ARAP2: variants seen among roughly 807,000 people sequenced by gnomAD.
The protein encoded by ARAP2 is arf-GAP with Rho-GAP domain, ANK repeat and PH domain-containing protein 2.
Under a neutral mutation model 194.5 loss-of-function variants are expected in ARAP2, and 148 were observed. That is an observed-to-expected ratio of 0.76 (90% CI 0.67 to 0.87). The LOEUF (loss-of-function observed/expected upper bound fraction) is 0.87, where lower values mean the gene tolerates loss of function less well. Among genes scored for constraint, ARAP2 ranks in the 40% least tolerant of loss-of-function variants. ARAP2 has a pLI of 0.00. For missense variants in ARAP2, 2,128 were observed against 1,989.7 expected, an observed-to-expected ratio of 1.07 and a Z score of -1.32; for synonymous variants, 695 against 683.5, an observed-to-expected ratio of 1.02 and a Z score of -0.26.
intron 27 of ARAP2, 87 bp from the exon 28 acceptor site, chr4:36,092,107 G>A: frequency 7.3e-7 from 1 of 1,361,990 alleles, no homozygotes; most frequent in South Asian, 1.9e-5. Flanking sequence ...TTGTCATATA[G>A]AAAAAATAAG....
chr4:36,113,318 T>C (rs1720502572), intron 26 of ARAP2, among the ~76,000 whole-genome samples: 1 of 151,890 alleles, frequency 6.6e-6, no homozygotes, highest in African/African-American at 2.4e-5. Flanking sequence ...AAAAATAACA[T>C]TGAAACATTT....
rs200870861 is a variant in ARAP2, at chr4:36,121,223, T to C, written c.3850A>G (p.Asn1284Asp). 2 of 1,605,196 alleles carry C rather than the reference T, an allele frequency of 1.2e-6. No individual in the cohort carries two copies. The highest frequency in any genetic ancestry group is 2.2e-5 in the South Asian group (2 of 89,620). ...TTATTAATTAGGTCCTCAATTACAT[T>C]CACTTCTTCACTAGTTTGTCCCTTC... ...QTKGQTSEEV[N>D]VIEDLINNYV... Residue 1284 changes from asparagine to aspartate, a missense_variant, in exon 23 of 33, where the codon AAT becomes GAT. Physicochemically the swap from Asn to Asp is conservative, Grantham distance 23. Transcript: ENST00000303965.
rs182096270 is a variant in ARAP2 at position 36,121,248 on chromosome 4, C to T, written c.3825G>A (p.Thr1275=). 7.5e-6 allele frequency: 12 copies of T among 1,606,492 alleles called. No individual in the cohort carries two copies. Among genetic ancestry groups the T allele is most frequent in the East Asian group, 4.5e-5 (2 of 44,434 alleles). ...TCACTTCTTCACTAGTTTGTCCCTT[C>T]GTTTGAAACAAACAGGATGAAAAGA... ...ALVFSSCLFQ[T]KGQTSEEVNV... is the part of the protein sequence containing the mutation. The change falls in exon 23 of 33, where the codon ACG becomes ACA. Residue 1275 remains threonine, a synonymous_variant. Transcript: ENST00000303965.
intron 7 of ARAP2, among the ~76,000 whole-genome samples, chr4:36,191,778 G>T (rs941660152): frequency 6.6e-6 from 1 of 151,960 alleles, no homozygotes; most frequent in Non-Finnish European, 1.5e-5. Flanking sequence ...ACAATGAAAC[G>T]ATCACAGGGC....
intron 5 of ARAP2, among the ~76,000 whole-genome samples, chr4:36,041,606 C>A (rs981936660): frequency 9.9e-5 from 15 of 152,084 alleles, no homozygotes; most frequent in African/African-American, 3.4e-4. Context: ...TCAACCATTG[C>A]AGAAAGTAGT....
intron 2 of ARAP2, 138 bp from the exon 3 acceptor site, chr4:36,214,618 A>G (rs1747508800): frequency 8.4e-6 from 4 of 478,750 alleles, no homozygotes; most frequent in African/African-American, 6.1e-5. Context: ...AGAGCTATAC[A>G]TTCTTTTGGG....
At chr4:36,131,246 T>C (rs1360127913) in intron 20 of ARAP2, among the ~76,000 whole-genome samples, 3 of 151,468 alleles carry the variant, frequency 2.0e-5, no homozygotes, top group South Asian at 4.1e-4. Flanking sequence ...GATATAAACA[T>C]ACTATCATAG....
In ARAP2 at chr4:36,121,338, A is replaced by G. The variant is rs752308492; in HGVS notation, c.3747-12T>C. On this transcript the variant is annotated splice_polypyrimidine_tract_variant and intron_variant, in intron 22 of 32. Transcript: ENST00000303965. ...AGCATTTCTGAACCCTGTCAGAGAA[A>G]AGCATAGTTTATTATGATACACTTT... 1.3e-6 allele frequency: 2 copies of G among 1,575,572 alleles called. No homozygotes were observed. The highest frequency in any genetic ancestry group is 1.4e-5 in the African/African-American group (1 of 73,268).
intron 6 of ARAP2, among the ~76,000 whole-genome samples, chr4:36,018,046 A>G (rs1319557179): frequency 6.6e-6 from 1 of 152,182 alleles, no homozygotes; most frequent in Non-Finnish European, 1.5e-5. Flanking sequence ...TGACATATGA[A>G]ATGTATACAA....
intron 27 of ARAP2, among the ~76,000 whole-genome samples, chr4:36,093,186 A>G (rs1349056052): frequency 6.6e-6 from 1 of 151,988 alleles, no homozygotes; most frequent in African/African-American, 2.4e-5. Flanking sequence ...GGGGAACAAC[A>G]CACACTGGGG....
chr4:36,183,795 C>G (rs1207380416), intron 8 of ARAP2, among the ~76,000 whole-genome samples: 1 of 152,122 alleles, frequency 6.6e-6, no homozygotes, highest in African/African-American at 2.4e-5. Flanking sequence ...GGGATAGGAG[C>G]CTTAGAAAAC....
chr4:36,015,736 A>T (rs1473716872), intron 7 of ARAP2: 1 of 152,224 alleles, frequency 6.6e-6, no homozygotes, highest in Non-Finnish European at 1.5e-5. Flanking sequence ...CAAATTCAAT[A>T]GATGGAAAAT....
chr4:36,020,435 T>C (rs994796708), intron 5 of ARAP2, among the ~76,000 whole-genome samples: 2 of 126,182 alleles, frequency 1.6e-5, no homozygotes, highest in African/African-American at 6.2e-5. Context: ...AAAAAGTAAA[T>C]CAAGCTGATA....
intron 30 of ARAP2, 29 bp from the exon 31 acceptor site, chr4:36,080,308 A>T: frequency 6.4e-7 from 1 of 1,572,634 alleles, no homozygotes; most frequent in Non-Finnish European, 8.7e-7. Flanking sequence ...AAACTATGTC[A>T]TTCAAAAAGA....
At chr4:36,135,295 T>G (rs1199469360) in intron 19 of ARAP2, among the ~76,000 whole-genome samples, 1 of 151,748 alleles carries the variant, frequency 6.6e-6, no homozygotes, top group Non-Finnish European at 1.5e-5. Flanking sequence ...ATAATCACTG[T>G]ACCTAATATA....
At chr4:36,019,821 T>C (rs999856100) in intron 5 of ARAP2, among the ~76,000 whole-genome samples, 2 of 152,170 alleles carry the variant, frequency 1.3e-5, no homozygotes, top group Non-Finnish European at 2.9e-5. Flanking sequence ...GAACAGGTTA[T>C]AGTTTCTCCT....
At chr4:36,073,533 T>TA (rs1727528867) in intron 32 of ARAP2, among the ~76,000 whole-genome samples, 156 bp downstream of exon 32, 1 of 152,184 alleles carries the variant, frequency 6.6e-6, no homozygotes, top group Admixed American at 6.6e-5. Flanking sequence ...AGGTTATTCA[T>TA]ACTGTTTTCT....
intron 15 of ARAP2, among the ~76,000 whole-genome samples, chr4:36,152,417 C>T (rs190155855): frequency 6.6e-5 from 10 of 152,152 alleles, no homozygotes; most frequent in African/African-American, 2.4e-4. Context: ...AAATACGAAT[C>T]AAAGGGAGTT....
At chr4:36,130,563 G>A (rs1283849123) in intron 20 of ARAP2, among the ~76,000 whole-genome samples, 12 of 151,760 alleles carry the variant, frequency 7.9e-5, no homozygotes, top group Non-Finnish European at 1.5e-4. Context: ...CTGTTTCCAT[G>A]CCTTCTCTGG....
Sources: allele counts gnomAD v4.1 joint callset (sites outside exome capture counted in the v4.1 genomes callset), GRCh38; gene constraint gnomAD v4.1.1; transcripts MANE v1.5; gene names NCBI Gene and HGNC (gene_info 2026-07-23, HGNC 2026-07-21).